Variants in CDK8 observed in about 807,000 individuals in gnomAD.
The protein encoded by CDK8 is cyclin dependent kinase 8, also known as cyclin-dependent kinase 8.
Under a neutral mutation model 71.5 loss-of-function variants are expected in CDK8, and 29 were observed. The observed-to-expected ratio is 0.41, with a 90% CI of 0.30 to 0.55. The LOEUF (loss-of-function observed/expected upper bound fraction) is 0.55. Among genes scored for constraint, CDK8 ranks in the 20% least tolerant of loss-of-function variants. The pLI is 0.37. For missense variants in CDK8, 288 were observed against 572.6 expected (o/e 0.50, Z 5.07); for synonymous variants, 161 against 192.1 (o/e 0.84, Z 1.34).
In CDK8 at chr13:26,305,468, A is replaced by C. The variant is rs183406606; in HGVS notation, c.129-32099A>C. Among the ~76,000 whole-genome samples, 7 of 152,276 alleles carry C rather than the reference A, an allele frequency of 4.6e-5. No individual in the cohort carries two copies. In the East Asian group the frequency reaches 1.2e-3, roughly 25 times the overall value. On this transcript the variant is annotated intron_variant, in intron 1 of 12. Coordinates refer to ENST00000381527, the MANE Select transcript of CDK8 (RefSeq NM_001260.3). ...GCTGCTGTCATTCATAATGCTTCTG[A>C]ATCTGTAATTCGACGTCATTAGTTT...
At chr13:26,261,295 T>G (rs1297469735) in intron 1 of CDK8, among the ~76,000 whole-genome samples, 1 of 152,204 alleles carries the variant, frequency 6.6e-6, no homozygotes, top group Non-Finnish European at 1.5e-5. Flanking sequence ...GAGAGCTCCT[T>G]TTTAAAAATT....
intron 4 of CDK8, among the ~76,000 whole-genome samples, chr13:26,361,500 G>C (rs1467152683): frequency 6.6e-6 from 1 of 152,042 alleles, no homozygotes; most frequent in Non-Finnish European, 1.5e-5. Context: ...ACCTACAATT[G>C]GGCAAAATCA....
intron 1 of CDK8, among the ~76,000 whole-genome samples, chr13:26,288,828 C>T (rs1467463843): frequency 1.3e-5 from 2 of 152,016 alleles, no homozygotes; most frequent in African/African-American, 2.4e-5. Context: ...GGCGTGATCT[C>T]GGCTCACTGC....
chr13:26,360,902 C>T (rs1874109067), intron 4 of CDK8, among the ~76,000 whole-genome samples: 1 of 152,116 alleles, frequency 6.6e-6, no homozygotes, highest in South Asian at 2.1e-4. Context: ...ATTTTAAATC[C>T]TTTCAGCTGC....
chr13:26,384,837 C>T (rs1463640954), intron 5 of CDK8, among the ~76,000 whole-genome samples: 1 of 152,108 alleles, frequency 6.6e-6, no homozygotes, highest in Non-Finnish European at 1.5e-5. Context: ...TAATGGAAAG[C>T]CTTACTCTAA....
chr13:26,341,304 T>G (rs1477745811), intron 2 of CDK8, among the ~76,000 whole-genome samples: 2 of 152,120 alleles, frequency 1.3e-5, no homozygotes, highest in African/African-American at 2.4e-5. Context: ...TGTTTATATT[T>G]TTAGTAGAGA....
intron 4 of CDK8, among the ~76,000 whole-genome samples, chr13:26,368,540 A>AT (rs746476514): frequency 6.6e-6 from 1 of 152,208 alleles, no homozygotes; most frequent in Non-Finnish European, 1.5e-5. Flanking sequence ...GCTGAGACAC[A>AT]TCTTGCTTTC....
chr13:26,397,516 CTGTT>C (rs1593313025), intron 9 of CDK8, among the ~76,000 whole-genome samples: 1 of 151,654 alleles, frequency 6.6e-6, no homozygotes, highest in South Asian at 2.1e-4. Context: ...TGTTTTTCGT[CTGTT>C]TAAGATTTTA....
At chr13:26,353,240 T>G (rs975976829) in intron 3 of CDK8, among the ~76,000 whole-genome samples, 1 of 152,182 alleles carries the variant, frequency 6.6e-6, no homozygotes. Flanking sequence ...TCTTTCCCAT[T>G]TTTACATTTT....
chr13:26,256,942 G>A (rs543371931), intron 1 of CDK8, among the ~76,000 whole-genome samples: 24 of 150,700 alleles, frequency 1.6e-4, no homozygotes, highest in Admixed American at 1.2e-3. Flanking sequence ...GATTTTTTTC[G>A]GTTTGACTTC....
At chr13:26,289,613 G>C (rs901784593) in intron 1 of CDK8, among the ~76,000 whole-genome samples, 2 of 151,522 alleles carry the variant, frequency 1.3e-5, no homozygotes, top group African/African-American at 4.9e-5. Flanking sequence ...TGCAGTGGCG[G>C]GATCTCGGCT....
chr13:26,353,039 G>A (rs1007848751), intron 3 of CDK8, among the ~76,000 whole-genome samples: 1 of 152,150 alleles, frequency 6.6e-6, no homozygotes, highest in African/African-American at 2.4e-5. Flanking sequence ...CAATTTAAGA[G>A]TGATCTAATT....
intron 1 of CDK8, among the ~76,000 whole-genome samples, chr13:26,330,246 C>T (rs1875247778): frequency 6.6e-6 from 1 of 152,140 alleles, no homozygotes; most frequent in African/African-American, 2.4e-5. Flanking sequence ...GTCTCTGTCG[C>T]CTAGGCTGGA....
At chr13:26,307,817 C>T (rs1202997451) in intron 1 of CDK8, among the ~76,000 whole-genome samples, 1 of 152,096 alleles carries the variant, frequency 6.6e-6, no homozygotes, top group Non-Finnish European at 1.5e-5. Flanking sequence ...AAGAACGGTA[C>T]CTAATAATGC....
At chr13:26,284,419 G>A (rs1006942392) in intron 1 of CDK8, among the ~76,000 whole-genome samples, 6 of 152,082 alleles carry the variant, frequency 3.9e-5, no homozygotes, top group Admixed American at 1.3e-4. Flanking sequence ...GAAGAGAGAT[G>A]TAAATAAGCT....
chr13:26,403,719 CA>C (rs1366137637), intron 12 of CDK8, among the ~76,000 whole-genome samples: 1 of 152,164 alleles, frequency 6.6e-6, no homozygotes, highest in Non-Finnish European at 1.5e-5. Context: ...AATGTATTTG[CA>C]CAGCATAGTA....
intron 4 of CDK8, among the ~76,000 whole-genome samples, chr13:26,364,914 C>T (rs1874313229): frequency 6.6e-6 from 1 of 152,128 alleles, no homozygotes; most frequent in South Asian, 2.1e-4. Flanking sequence ...GAGGAGTCTG[C>T]ATTCTAGACA....
In CDK8 at chr13:26,362,218, TGATA is replaced by T. The variant is rs144332019; in HGVS notation, c.456+8342_456+8345del. On this transcript the variant is annotated intron_variant, in intron 4 of 12. Transcript: ENST00000381527. The stretch of plus-strand genomic sequence containing the variant: ...GGTAGATGTATGTGTGGATGATAGA[TGATA>T]GATGGATGGATGGATGGATGGATGG... Among the ~76,000 whole-genome samples, 1,374 of 137,414 alleles carry T rather than the reference TGATA, an allele frequency of 1.0e-2. 21 individuals are homozygous for T. The highest frequency in any genetic ancestry group is 0.036 in the African/African-American group (1,305 of 36,540). The allele number at this position is 137,414 out of a possible 152,430, so 90.1% of individuals were successfully genotyped here.
intron 2 of CDK8, among the ~76,000 whole-genome samples, chr13:26,345,134 T>C (rs780417869): frequency 2.0e-5 from 3 of 152,178 alleles, no homozygotes; most frequent in Non-Finnish European, 4.4e-5. Context: ...TATAATCTTA[T>C]ATATGCTGTC....
Sources: gnomAD v4.1 joint callset for allele counts (sites outside exome capture counted in the v4.1 genomes callset) on GRCh38, gnomAD v4.1.1 for gene constraint, MANE v1.5 for transcripts, NCBI Gene and HGNC (gene_info 2026-07-23, HGNC 2026-07-21) for gene names.